The following CSMD1 variants were observed in gnomAD, a reference collection of about 807,000 sequenced individuals.
CSMD1 encodes the protein CUB and sushi domain-containing protein 1.
CSMD1 carries 213 observed loss-of-function variants against 417.5 expected under a neutral mutation model. The ratio of observed to expected loss-of-function variants is 0.51; its 90% CI spans 0.46 to 0.57. The LOEUF (loss-of-function observed/expected upper bound fraction) is 0.57. Among genes scored for constraint, CSMD1 ranks in the 20% least tolerant of loss-of-function variants. The pLI is 0.00. For synonymous variants in CSMD1, 2,862 were observed against 1,736.8 expected (o/e 1.65, Z -16.11); for missense variants, 6,923 against 4,529.7 (o/e 1.53, Z -15.17).
In CSMD1 at chr8:4,795,252, CTTTTTTTTTTTTTTTTTTTTTTTTTT is replaced by C. The variant is rs571984359; in HGVS notation, c.86-157720_86-157695del. On this transcript the variant is annotated intron_variant, in intron 1 of 69. Coordinates refer to ENST00000635120, the MANE Select transcript of CSMD1 (RefSeq NM_033225.6). ...ATTTCTAGGTCTGCTGGTGTCATAG[CTTTTTTTTTTTTTTTTTTTTTTTTTT>C]TTTTTTTTTTTGAGATGGAGTCCTG... 1.9e-4 allele frequency among the ~76,000 whole-genome samples: 9 copies of C among 46,254 alleles called. 1 individual carries two copies. In the South Asian group the frequency reaches 9.8e-3, roughly 50 times the overall value. 30.3% of individuals were successfully genotyped at this position (46,254 alleles called of 152,430 possible).
chr8:3,605,551 T>C (rs1801571160), intron 8 of CSMD1, among the ~76,000 whole-genome samples: 1 of 152,236 alleles, frequency 6.6e-6, no homozygotes, highest in Non-Finnish European at 1.5e-5. Flanking sequence ...ACATGGGCTA[T>C]GGATTTGTTT....
chr8:3,488,691 C>A (rs1736906238), intron 11 of CSMD1, among the ~76,000 whole-genome samples: 2 of 152,178 alleles, frequency 1.3e-5, no homozygotes, highest in South Asian at 4.2e-4. Context: ...AAGAATCAAG[C>A]AAGAACGCTT....
At chr8:4,811,398 G>C (rs539972985) in intron 1 of CSMD1, among the ~76,000 whole-genome samples, 301 of 152,018 alleles carry the variant, frequency 2.0e-3, no homozygotes, top group African/African-American at 7.0e-3. Flanking sequence ...TTTTTTTTAA[G>C]TAATGTATTA....
At chr8:3,864,629 C>T (rs1804956283) in intron 5 of CSMD1, among the ~76,000 whole-genome samples, 1 of 152,088 alleles carries the variant, frequency 6.6e-6, no homozygotes. Context: ...TAACCCCATC[C>T]CACAACAGGC....
chr8:4,437,128 C>A (rs1453328313), intron 2 of CSMD1, among the ~76,000 whole-genome samples: 3 of 152,054 alleles, frequency 2.0e-5, no homozygotes, highest in South Asian at 2.1e-4. Flanking sequence ...CAAAAGAATT[C>A]TTTTAGGGGA....
chr8:4,052,753 T>TA (rs140798090), intron 3 of CSMD1, among the ~76,000 whole-genome samples: 24 of 151,242 alleles, frequency 1.6e-4, no homozygotes, highest in South Asian at 6.3e-4. Context: ...GAACAAGTTT[T>TA]AAAAAAAAAT....
intron 49 of CSMD1, among the ~76,000 whole-genome samples, chr8:3,071,941 T>C (rs1198367050): frequency 6.6e-6 from 1 of 152,244 alleles, no homozygotes; most frequent in African/African-American, 2.4e-5. Flanking sequence ...TTACTCCTCA[T>C]GACACCTGGA....
At chr8:4,979,278 C>A (rs1472988308) in intron 1 of CSMD1, among the ~76,000 whole-genome samples, 1 of 152,042 alleles carries the variant, frequency 6.6e-6, no homozygotes, top group East Asian at 1.9e-4. Flanking sequence ...AAGAGCCATG[C>A]GTGGTTCTAT....
chr8:4,861,183 G>C (rs967505675), intron 1 of CSMD1, among the ~76,000 whole-genome samples: 1 of 152,090 alleles, frequency 6.6e-6, no homozygotes, highest in South Asian at 2.1e-4. Flanking sequence ...AATAGATTCT[G>C]ACATTTATCT....
chr8:4,146,725 C>G (rs902700552), intron 3 of CSMD1, among the ~76,000 whole-genome samples: 16 of 147,628 alleles, frequency 1.1e-4, no homozygotes, highest in African/African-American at 4.1e-4. Flanking sequence ...CATTCTCCTG[C>G]CTCAGCCTCC....
chr8:4,040,229 C>G (rs954787906), intron 3 of CSMD1, among the ~76,000 whole-genome samples: 1 of 152,154 alleles, frequency 6.6e-6, no homozygotes, highest in Admixed American at 6.5e-5. Context: ...AATAGTAATT[C>G]CACTTCATTA....
intron 5 of CSMD1, among the ~76,000 whole-genome samples, chr8:3,848,625 A>G (rs143443056): frequency 5.3e-4 from 80 of 152,302 alleles, no homozygotes; most frequent in Non-Finnish European, 7.5e-4. Flanking sequence ...TCTAAAGTGC[A>G]GAGAATAGAT....
At chr8:3,272,434 G>A (rs1423478133) in intron 26 of CSMD1, among the ~76,000 whole-genome samples, 1 of 150,710 alleles carries the variant, frequency 6.6e-6, no homozygotes, top group Non-Finnish European at 1.5e-5. Flanking sequence ...GGTTCCATAT[G>A]AACTTTAAAG....
chr8:3,252,723 A>G (rs1009268854), intron 26 of CSMD1, among the ~76,000 whole-genome samples: 1 of 152,164 alleles, frequency 6.6e-6, no homozygotes, highest in South Asian at 2.1e-4. Context: ...GCTATTAATT[A>G]TTGCCTCAAT....
At chr8:3,121,762 G>A (rs1415660779) in intron 41 of CSMD1, among the ~76,000 whole-genome samples, 1 of 152,082 alleles carries the variant, frequency 6.6e-6, no homozygotes, top group Admixed American at 6.5e-5. Context: ...TCATACCACT[G>A]CACTCCAGCC....
intron 4 of CSMD1, among the ~76,000 whole-genome samples, chr8:4,013,508 T>G (rs930112320): frequency 2.6e-5 from 4 of 152,158 alleles, no homozygotes; most frequent in African/African-American, 9.7e-5. Context: ...GTCCAGGCAG[T>G]GACCAGGCAG....
At chr8:4,631,746 G>T (rs1266532422) in intron 2 of CSMD1, among the ~76,000 whole-genome samples, 1 of 152,040 alleles carries the variant, frequency 6.6e-6, no homozygotes, top group African/African-American at 2.4e-5. Context: ...GATTTTAATG[G>T]CCCTATCACA....
chr8:3,457,720 C>A (rs1156396858), intron 12 of CSMD1, among the ~76,000 whole-genome samples: 1 of 152,036 alleles, frequency 6.6e-6, no homozygotes, highest in South Asian at 2.1e-4. Flanking sequence ...GTAAAGGAAA[C>A]AGAAATACCA....
chr8:4,911,684 G>A (rs980247142), intron 1 of CSMD1, among the ~76,000 whole-genome samples: 4 of 152,100 alleles, frequency 2.6e-5, no homozygotes, highest in African/African-American at 9.7e-5. Flanking sequence ...TAAATAGACT[G>A]AAATAAGTTT....
Sources: gnomAD v4.1 joint callset for allele counts (sites outside exome capture counted in the v4.1 genomes callset) on GRCh38, gnomAD v4.1.1 for gene constraint, MANE v1.5 for transcripts, NCBI Gene and HGNC (gene_info 2026-07-23, HGNC 2026-07-21) for gene names.